RYR3: variants seen among roughly 807,000 people sequenced by gnomAD.
RYR3 encodes brain ryanodine receptor-calcium release channel.
RYR3 carries 207 observed loss-of-function variants against 584.3 expected under a neutral mutation model. The observed-to-expected ratio is 0.35, with a 90% confidence interval of 0.32 to 0.40. The LOEUF is 0.40. RYR3 is among the 10% of genes least tolerant of loss of function. RYR3 has a pLI of 1.00. For synonymous variants in RYR3, 2,416 were observed against 2,248.5 expected, an observed-to-expected ratio of 1.07 and a Z score of -2.11; for missense variants, 5,616 against 6,089.2, an observed-to-expected ratio of 0.92 and a Z score of 2.59.
intron 38 of RYR3, among the ~76,000 whole-genome samples, chr15:33,688,877 A>G (rs1205670863): frequency 4.6e-5 from 7 of 152,170 alleles, no homozygotes. Context: ...ATTACTGGGT[A>G]TATACCCAAA....
chr15:33,647,988 C>CAAAAAAAAAAAAAA (rs3085194), intron 30 of RYR3, among the ~76,000 whole-genome samples: 1 of 98,326 alleles, frequency 1.0e-5, no homozygotes, highest in African/African-American at 3.8e-5. Flanking sequence ...TAGCATCTGG[C>CAAAAAAAAAAAAAA]AAAAAAAAAA....
At chr15:33,806,393 C>T (rs553904674) in intron 69 of RYR3, among the ~76,000 whole-genome samples, 1 of 152,170 alleles carries the variant, frequency 6.6e-6, no homozygotes, top group South Asian at 2.1e-4. Flanking sequence ...AGTGTCGTGC[C>T]TGTAATCCCA....
intron 27 of RYR3, among the ~76,000 whole-genome samples, chr15:33,641,988 C>G (rs550117730): frequency 6.4e-4 from 92 of 144,404 alleles, no homozygotes; most frequent in Non-Finnish European, 1.2e-3. Context: ...GATAAAGGAT[C>G]TCATCCCATT....
At chr15:33,438,236 G>A (rs542239801) in intron 1 of RYR3, among the ~76,000 whole-genome samples, 3 of 151,812 alleles carry the variant, frequency 2.0e-5, no homozygotes, top group East Asian at 3.9e-4. Context: ...CATGATGTAC[G>A]GTGGATCCCC....
intron 1 of RYR3, among the ~76,000 whole-genome samples, chr15:33,367,032 C>T (rs951003908): frequency 3.9e-5 from 6 of 152,136 alleles, no homozygotes; most frequent in Admixed American, 3.9e-4. Flanking sequence ...TTTGTTCATC[C>T]ATTTATTTCA....
chr15:33,571,337 A>G (rs1223480325), intron 12 of RYR3, among the ~76,000 whole-genome samples: 1 of 152,160 alleles, frequency 6.6e-6, no homozygotes, highest in Non-Finnish European at 1.5e-5. Flanking sequence ...GTCTATCGAT[A>G]TGATCATATA....
At chr15:33,665,878 C>A (rs1224900101) in intron 36 of RYR3, among the ~76,000 whole-genome samples, 1 of 152,244 alleles carries the variant, frequency 6.6e-6, no homozygotes, top group Non-Finnish European at 1.5e-5. Context: ...TCTGATCAAT[C>A]ATTTCAGACT....
intron 91 of RYR3, 52 bp from the exon 92 acceptor site, chr15:33,843,435 GT>G: frequency 1.5e-6 from 2 of 1,295,654 alleles, no homozygotes; most frequent in South Asian, 2.5e-5. Flanking sequence ...AAAGTAGGAA[GT>G]TCTCTTTTCC....
intron 1 of RYR3, among the ~76,000 whole-genome samples, chr15:33,400,135 T>A (rs1037253202): frequency 6.6e-6 from 1 of 152,196 alleles, no homozygotes; most frequent in African/African-American, 2.4e-5. Context: ...CATGTATATA[T>A]CCTTTTGTGT....
intron 1 of RYR3, among the ~76,000 whole-genome samples, chr15:33,379,212 C>T (rs1196142325): frequency 6.6e-6 from 1 of 152,072 alleles, no homozygotes; most frequent in Non-Finnish European, 1.5e-5. Flanking sequence ...AACTGATTTC[C>T]TGTGATACTG....
At chr15:33,371,794 A>C (rs1413192567) in intron 1 of RYR3, among the ~76,000 whole-genome samples, 1 of 152,208 alleles carries the variant, frequency 6.6e-6, no homozygotes. Context: ...TACAACAAGC[A>C]CATCCTGTAT....
chr15:33,426,801 T>A (rs1287346910), intron 1 of RYR3, among the ~76,000 whole-genome samples: 1 of 152,130 alleles, frequency 6.6e-6, no homozygotes, highest in Non-Finnish European at 1.5e-5. Flanking sequence ...ATCTCTCAGT[T>A]CTGGAGTCTG....
At chr15:33,607,455 C>T (rs546650211) in intron 18 of RYR3, among the ~76,000 whole-genome samples, 1 of 152,248 alleles carries the variant, frequency 6.6e-6, no homozygotes, top group African/African-American at 2.4e-5. Context: ...CCACTGGCCT[C>T]TTGCAGTGGA....
chr15:33,477,603 C>T (rs1275443532), intron 2 of RYR3, among the ~76,000 whole-genome samples: 4 of 134,664 alleles, frequency 3.0e-5, no homozygotes, highest in Non-Finnish European at 6.2e-5. Context: ...AGGCTGGGCG[C>T]GGTGGCTCAC....
At chr15:33,647,575 G>A (rs2062174123) in intron 30 of RYR3, 115 bp downstream of exon 30, 1 of 708,148 alleles carries the variant, frequency 1.4e-6, no homozygotes, top group Admixed American at 2.5e-5. Flanking sequence ...CAATTACTCT[G>A]TCTTTTAATA....
chr15:33,729,460 G>C (rs1000926250), intron 47 of RYR3, among the ~76,000 whole-genome samples: 1 of 152,076 alleles, frequency 6.6e-6, no homozygotes, highest in Non-Finnish European at 1.5e-5. Context: ...TTTGAAAAAG[G>C]CTGGCTGGCA....
intron 103 of RYR3, 80 bp downstream of exon 103, chr15:33,864,269 A>G: frequency 9.2e-7 from 1 of 1,082,358 alleles, no homozygotes; most frequent in Non-Finnish European, 1.4e-6. Flanking sequence ...AGGTTATCTG[A>G]AATACATACA....
rs1567173640 is a variant in RYR3, at chr15:33,404,590, T to G, written c.52-68829T>G. Among the ~76,000 whole-genome samples the G allele has an allele frequency of 8.8e-5, 6 of 68,342 alleles. No homozygotes were observed. The South Asian group carries it at 2.7e-3, about 31-fold the overall frequency. 44.8% of individuals were successfully genotyped at this position (68,342 alleles called of 152,430 possible). ...AGGAATTACTATTTACTACTGTGTGTTTTTTTTTTTTTTACTTGTAACTGT... is the reference window on the plus strand; with the variant it reads ...AGGAATTACTATTTACTACTGTGTGGTTTTTTTTTTTTTACTTGTAACTGT... On this transcript the variant is annotated intron_variant, in intron 1 of 103. Transcript: ENST00000634891.
chr15:33,797,032 C>G (rs73383335), intron 67 of RYR3, among the ~76,000 whole-genome samples: 2,184 of 152,314 alleles, frequency 0.014, 63 homozygotes, highest in African/African-American at 0.048. Context: ...CACATGTTCT[C>G]ACTTAGTGGG....
Sources: allele counts gnomAD v4.1 joint callset (sites outside exome capture counted in the v4.1 genomes callset), GRCh38; gene constraint gnomAD v4.1.1; transcripts MANE v1.5; gene names NCBI Gene and HGNC (gene_info 2026-07-23, HGNC 2026-07-21).